AKAP6: variants seen among roughly 807,000 people sequenced by gnomAD.
The protein encoded by AKAP6 is A-kinase anchoring protein 6, also known as A-kinase anchor protein 6.
A neutral mutation model predicts 188.5 loss-of-function variants in AKAP6; 58 were observed. The ratio of observed to expected loss-of-function variants is 0.31; its 90% CI spans 0.25 to 0.38. The LOEUF (loss-of-function observed/expected upper bound fraction) is 0.38, where lower values mean the gene tolerates loss of function less well. Ranked by LOEUF, AKAP6 falls within the 10% of genes least tolerant of loss-of-function variation. The probability of loss-of-function intolerance (pLI) is 1.00; values close to 1 mark genes in which losing one functional copy is unlikely to be tolerated. For missense variants in AKAP6, 2,710 were observed against 2,740.0 expected, an observed-to-expected ratio of 0.99 and a Z score of 0.24; for synonymous variants, 989 against 998.6, an observed-to-expected ratio of 0.99 and a Z score of 0.18.
intron 1 of AKAP6, among the ~76,000 whole-genome samples, chr14:32,397,132 C>G (rs1274556502): frequency 6.6e-6 from 1 of 152,088 alleles, no homozygotes; most frequent in Non-Finnish European, 1.5e-5. Flanking sequence ...TGAGAATTTG[C>G]ATGTTTAAAA....
At chr14:32,501,770 TC>T (rs1880620476) in intron 2 of AKAP6, among the ~76,000 whole-genome samples, 1 of 152,164 alleles carries the variant, frequency 6.6e-6, no homozygotes, top group Non-Finnish European at 1.5e-5. Flanking sequence ...AGACTGCCCT[TC>T]TTTCTTTCCT....
At chr14:32,559,033 G>A (rs758619793) in intron 4 of AKAP6, among the ~76,000 whole-genome samples, 1 of 152,196 alleles carries the variant, frequency 6.6e-6, no homozygotes, top group Non-Finnish European at 1.5e-5. Context: ...TGTGAAGTTA[G>A]AAAGAATAGG....
intron 7 of AKAP6, among the ~76,000 whole-genome samples, chr14:32,619,127 G>T (rs935399804): frequency 6.6e-6 from 1 of 151,022 alleles, no homozygotes; most frequent in African/African-American, 2.5e-5. Flanking sequence ...CCATTCTGTG[G>T]GTTGTCTGTT....
intron 11 of AKAP6, among the ~76,000 whole-genome samples, chr14:32,760,467 AGGAGAAAACTCTTAAGTTGT>A (rs1265723468): frequency 6.6e-6 from 1 of 152,198 alleles, no homozygotes; most frequent in Non-Finnish European, 1.5e-5. Context: ...TTATCAAACT[AGGAGAAAACTCTTAAGTTGT>A]GGTTTGTTTT....
chr14:32,651,596 C>G (rs907225578), intron 7 of AKAP6, among the ~76,000 whole-genome samples: 38 of 152,122 alleles, frequency 2.5e-4, no homozygotes, highest in Non-Finnish European at 1.2e-4. Flanking sequence ...TGGCTACATT[C>G]TCCAGAGAGG....
rs192362117 is a variant in AKAP6, at chr14:32,685,711, C to A, written c.2879+7252C>A. 8.9e-4 allele frequency among the ~76,000 whole-genome samples: 110 copies of A among 123,066 alleles called. 1 individual carries two copies. Among genetic ancestry groups the A allele is most frequent in the African/African-American group, 3.3e-3 (106 of 31,844 alleles). The allele number at this position is 123,066 out of a possible 152,430, so 80.7% of individuals were successfully genotyped here. ...TTGCACTCCAGCCTGGGCGACAGAG[C>A]GAGACTCCATCTCAAAAAAAAAAAA... On this transcript the variant is annotated intron_variant, in intron 8 of 13. Transcript: ENST00000280979.
intron 7 of AKAP6, among the ~76,000 whole-genome samples, chr14:32,629,944 C>T (rs1347812390): frequency 3.3e-5 from 5 of 152,002 alleles, no homozygotes; most frequent in Admixed American, 3.3e-4. Flanking sequence ...AATACTCTGC[C>T]ATAATTCATT....
At chr14:32,765,403 G>C (rs1323936416) in intron 11 of AKAP6, among the ~76,000 whole-genome samples, 2 of 152,158 alleles carry the variant, frequency 1.3e-5, no homozygotes, top group African/African-American at 2.4e-5. Context: ...ATAGATTACA[G>C]TTTCATAAGA....
chr14:32,490,245 G>A (rs8004563), intron 2 of AKAP6, among the ~76,000 whole-genome samples: 101,320 of 151,002 alleles, frequency 0.67, 35,486 homozygotes, highest in East Asian at 0.89. Context: ...GGATGTATAT[G>A]TGCAGGTCAC....
intron 7 of AKAP6, among the ~76,000 whole-genome samples, chr14:32,657,000 A>G (rs1352668346): frequency 6.6e-6 from 1 of 152,164 alleles, no homozygotes; most frequent in Non-Finnish European, 1.5e-5. Flanking sequence ...GTCATAATAC[A>G]GTTTATAGAA....
At chr14:32,334,643 T>C (rs1886633071) in intron 1 of AKAP6, among the ~76,000 whole-genome samples, 1 of 152,172 alleles carries the variant, frequency 6.6e-6, no homozygotes, top group Non-Finnish European at 1.5e-5. Context: ...GTGCTATCCA[T>C]GGTTTCAGGC....
chr14:32,348,471 A>G (rs1036397212), intron 1 of AKAP6, among the ~76,000 whole-genome samples: 8 of 144,860 alleles, frequency 5.5e-5, no homozygotes, highest in African/African-American at 7.8e-5. Context: ...CTAAAGTGCA[A>G]TGACACAATC....
At chr14:32,639,316 A>G (rs1281367414) in intron 7 of AKAP6, among the ~76,000 whole-genome samples, 1 of 152,152 alleles carries the variant, frequency 6.6e-6, no homozygotes, top group Non-Finnish European at 1.5e-5. Context: ...GAAGGTTTCA[A>G]GTATATGTCA....
chr14:32,683,072 C>A (rs1369486007), intron 8 of AKAP6, among the ~76,000 whole-genome samples: 4 of 150,694 alleles, frequency 2.7e-5, no homozygotes, highest in African/African-American at 9.8e-5. Context: ...TGGCTCACCG[C>A]AACCTCCGCC....
At chr14:32,459,914 A>G (rs964178370) in intron 2 of AKAP6, among the ~76,000 whole-genome samples, 1 of 152,178 alleles carries the variant, frequency 6.6e-6, no homozygotes. Flanking sequence ...CCTGGAGAAT[A>G]TATGTTAGGT....
chr14:32,558,695 A>C (rs965654131), intron 4 of AKAP6, among the ~76,000 whole-genome samples: 1 of 152,216 alleles, frequency 6.6e-6, no homozygotes, highest in South Asian at 2.1e-4. Flanking sequence ...TCTTTTACCT[A>C]GAGGCAGACA....
intron 11 of AKAP6, among the ~76,000 whole-genome samples, chr14:32,746,250 T>C (rs1305533121): frequency 3.9e-5 from 6 of 152,122 alleles, no homozygotes; most frequent in Admixed American, 3.9e-4. Flanking sequence ...TTTTGCCCTG[T>C]AGCCACCACA....
At chr14:32,620,721 A>G (rs185205556) in intron 7 of AKAP6, among the ~76,000 whole-genome samples, 18 of 152,154 alleles carry the variant, frequency 1.2e-4, no homozygotes, top group Admixed American at 7.8e-4. Context: ...ATCTTTTAGA[A>G]TAGTTTCATA....
intron 7 of AKAP6, among the ~76,000 whole-genome samples, chr14:32,661,572 G>C (rs1888701431): frequency 6.6e-6 from 1 of 152,096 alleles, no homozygotes; most frequent in Admixed American, 6.6e-5. Context: ...AGTGACCCAA[G>C]TACATACCTT....
Sources: gnomAD v4.1 joint callset for allele counts (sites outside exome capture counted in the v4.1 genomes callset) on GRCh38, gnomAD v4.1.1 for gene constraint, MANE v1.5 for transcripts, NCBI Gene and HGNC (gene_info 2026-07-23, HGNC 2026-07-21) for gene names.